Variants in CRYGN observed in about 807,000 individuals in gnomAD.
CRYGN encodes gamma-crystallin N.
CRYGN carries 17 observed loss-of-function variants against 19.2 expected under a neutral mutation model. That is an observed-to-expected ratio of 0.89 (90% confidence interval 0.61 to 1.33). CRYGN has a LOEUF of 1.33. Ranked by LOEUF, CRYGN falls within the 40% of genes most tolerant of loss-of-function variation. The probability of loss-of-function intolerance (pLI) is 0.00; values close to 1 mark genes in which losing one functional copy is unlikely to be tolerated. For missense variants in CRYGN, 239 were observed against 239.6 expected, an observed-to-expected ratio of 1.00 and a Z score of 0.02; for synonymous variants, 84 against 85.8, an observed-to-expected ratio of 0.98 and a Z score of 0.12.
At chr7:151,439,801 G>GTCACCATCAACAGTGTGCACCC in intron 1 of CRYGN, 96 bp downstream of exon 1, 4 of 1,284,100 alleles carry the variant, frequency 3.1e-6, no homozygotes, top group Non-Finnish European at 4.2e-6. Flanking sequence ...CCTTGGATTT[G>GTCACCATCAACAGTGTGCACCC]TCACCATCAA....
Position 151,428,836 on chromosome 7 carries a change from T to C in CRYGN, c.*1212A>G, listed in dbSNP as rs931440092. 7.2e-5 allele frequency: 11 copies of C among 152,176 alleles called. No individual in the cohort carries two copies. Among genetic ancestry groups the C allele is most frequent in the Admixed American group, 3.9e-4 (6 of 15,294 alleles). The allele number at this position is 152,176 out of a possible 1,614,324, so 9.4% of individuals were successfully genotyped here. A position where few individuals can be genotyped will look rare whatever the true frequency, so the allele number is the denominator to read the frequency against. On this transcript the variant is annotated 3_prime_UTR_variant, in exon 4 of 4. Transcript: ENST00000337323. The stretch of plus-strand genomic sequence containing the variant: ...AAATTACAAGCTGCCCACAAGCACT[T>C]TGGTGGGAATCTTGTTTTTCCTCTT...
rs975972610 is a variant in CRYGN at position 151,430,610 on chromosome 7, G to A, written c.417-430C>T. On this transcript the variant is annotated intron_variant, in intron 3 of 3. Transcript: ENST00000337323. The surrounding 1 kb of genome is among the most constrained non-coding windows in gnomAD (Gnocchi z 5.2). ...TCTCTCGGGAACCCTGTGTTCCCTC[G>A]CTGAGCTCCCTGCCGTACTCCATCA... 6.6e-6 allele frequency among the ~76,000 whole-genome samples: 1 copy of A among 152,112 alleles called. No individual in the cohort carries two copies. Among genetic ancestry groups the A allele is most frequent in the Non-Finnish European group, 1.5e-5 (1 of 68,022 alleles).
In CRYGN at chr7:151,433,208, G is replaced by A. The variant is rs944037490; in HGVS notation, c.416+2972C>T. Reference sequence around the variant, plus strand: ...GTCTTTACAGAGCCTGGAGGACCTCGGGCTGGTGGGGGCAGGAGAGAACAC... The same window carrying A: ...GTCTTTACAGAGCCTGGAGGACCTCAGGCTGGTGGGGGCAGGAGAGAACAC... On this transcript the variant is annotated intron_variant, in intron 3 of 3. Coordinates refer to ENST00000337323, the MANE Select transcript of CRYGN (RefSeq NM_144727.3). The surrounding 1 kb of genome is among the most constrained non-coding windows in gnomAD (Gnocchi z 5.1). Among the ~76,000 whole-genome samples, 3 of 152,214 alleles carry A rather than the reference G, an allele frequency of 2.0e-5. No homozygotes were observed. Among genetic ancestry groups the A allele is most frequent in the East Asian group, 1.9e-4 (1 of 5,192 alleles).
intron 2 of CRYGN, among the ~76,000 whole-genome samples, chr7:151,437,664 C>T (rs973437511): frequency 3.9e-5 from 6 of 152,304 alleles, no homozygotes; most frequent in Admixed American, 1.3e-4. Flanking sequence ...CTCCCATTGG[C>T]GGAGTGTCCC....
At chr7:151,432,153 G>T in intron 3 of CRYGN, 2 of 1,225,384 alleles carry the variant, frequency 1.6e-6, no homozygotes, top group Non-Finnish European at 2.0e-6. Context: ...GGCTCGGCTG[G>T]AAGAAGTTGA....
chr7:151,440,188 G>GCTGCCC (rs1424236199), upstream of CRYGN: 7 of 1,068,284 alleles, frequency 6.6e-6, no homozygotes, highest in Admixed American at 3.9e-5. Context: ...CCAGCCCGCG[G>GCTGCCC]CTGCCCCTGC....
chr7:151,430,303 G>T lies in CRYGN; in HGVS notation c.417-123C>A, dbSNP rs979787215. 1.1e-6 allele frequency: 1 copy of T among 925,664 alleles called. No homozygotes were observed. Among genetic ancestry groups the T allele is most frequent in the Non-Finnish European group, 1.6e-6 (1 of 615,248 alleles). 57.3% of individuals were successfully genotyped at this position (925,664 alleles called of 1,614,324 possible). A position where few individuals can be genotyped will look rare whatever the true frequency, so the allele number is the denominator to read the frequency against. The stretch of plus-strand genomic sequence containing the variant: ...TCCCCTTTCCTGGGCGGAGTGGACG[G>T]TTGCCTAGTGGTTTCATGTCTTCAT... On this transcript the variant is annotated intron_variant, in intron 3 of 3. Coordinates refer to ENST00000337323, the MANE Select transcript of CRYGN (RefSeq NM_144727.3). The surrounding 1 kb of genome is among the most constrained non-coding windows in gnomAD (Gnocchi z 5.2).
chr7:151,432,633 G>A (rs1196357742), intron 3 of CRYGN, among the ~76,000 whole-genome samples: 2 of 152,198 alleles, frequency 1.3e-5, no homozygotes, highest in African/African-American at 4.8e-5. Flanking sequence ...GTGAAACCCC[G>A]TCTCTACTAA....
rs1801435329 is a variant in CRYGN, at chr7:151,430,348, G to A, written c.417-168C>T. On this transcript the variant is annotated intron_variant, in intron 3 of 3. Transcript: ENST00000337323. The surrounding 1 kb of genome is among the most constrained non-coding windows in gnomAD (Gnocchi z 5.2). ...CTTCATTTGGCCTCGGCTGTCATGG[G>A]ACAGCCTACGGGGGTCCCACAGCAG... Among the ~76,000 whole-genome samples the A allele has an allele frequency of 6.6e-6, 1 of 152,080 alleles. No individual in the cohort carries two copies. Among genetic ancestry groups the A allele is most frequent in the African/African-American group, 2.4e-5 (1 of 41,402 alleles).
intron 1 of CRYGN, among the ~76,000 whole-genome samples, chr7:151,438,634 G>A (rs1348604285): frequency 6.6e-6 from 1 of 152,216 alleles, no homozygotes; most frequent in African/African-American, 2.4e-5. Flanking sequence ...TAAAGGAGGT[G>A]TTTTCAAAAG....
In CRYGN at chr7:151,439,923, GC is replaced by G; in HGVS notation, c.-7del. On this transcript the variant is annotated 5_prime_UTR_variant, in exon 1 of 4. Coordinates refer to ENST00000337323, the MANE Select transcript of CRYGN (RefSeq NM_144727.3). ...TTCCCCGAGCGCTGCGCCATGGTGC[GC>G]CCCGCCCCTTCCGCGGGTCCCCGTT... is the stretch of plus-strand genomic sequence containing the variant. The G allele has an allele frequency of 1.3e-6, 2 of 1,541,556 alleles. No individual in the cohort carries two copies. Among genetic ancestry groups the G allele is most frequent in the Non-Finnish European group, 8.7e-7 (1 of 1,144,958 alleles).
At chr7:151,432,981 A>T (rs1256272359) in intron 3 of CRYGN, among the ~76,000 whole-genome samples, 1 of 152,210 alleles carries the variant, frequency 6.6e-6, no homozygotes, top group Non-Finnish European at 1.5e-5. Flanking sequence ...TGGTCACACA[A>T]CACGGTTCCT....
Position 151,433,017 on chromosome 7 carries a change from C to A in CRYGN, c.417-2837G>T, listed in dbSNP as rs1801508323. Among the ~76,000 whole-genome samples, 1 of 152,224 alleles carries A rather than the reference C, an allele frequency of 6.6e-6. No homozygotes were observed. Among genetic ancestry groups the A allele is most frequent in the Admixed American group, 6.5e-5 (1 of 15,286 alleles). On this transcript the variant is annotated intron_variant, in intron 3 of 3. Transcript: ENST00000337323. This position sits in a 1 kb window ranked among gnomAD's most constrained non-coding sequence, Gnocchi z 5.1. ...GCCCCCTCCTGCCCTCACGGGGCCT[C>A]CCCTGCAGAGGAAATGGGCTGTGGG...
rs750416566 is a variant in CRYGN, at chr7:151,436,292, C to T, written c.304G>A (p.Gly102Ser). 1.4e-5 allele frequency: 22 copies of T among 1,591,572 alleles called. No homozygotes were observed. Among genetic ancestry groups the T allele is most frequent in the Middle Eastern group, 1.7e-4 (1 of 5,996 alleles). Reference protein sequence around the residue: ...GEHFRLEIFEGCNFTGQCLEF... With the variant: ...GEHFRLEIFESCNFTGQCLEF... ...AGGCACTGGCCCGTGAAGTTGCAAC[C>T]CTCGAAGATTTCTAGGCGGAAATGT... The change falls in exon 3 of 4, where the codon GGT becomes AGT. Residue 102 changes from glycine to serine, a missense_variant. Transcript: ENST00000337323. The surrounding 1 kb of genome is among the most constrained non-coding windows in gnomAD (Gnocchi z 5.1).
intron 1 of CRYGN, among the ~76,000 whole-genome samples, chr7:151,439,646 C>A (rs1250432266): frequency 1.1e-4 from 17 of 152,136 alleles, no homozygotes; most frequent in Admixed American, 1.1e-3. Context: ...AGTCTGAACA[C>A]CCTCCCTGCT....
rs73727196 is a variant in CRYGN, at chr7:151,432,598, G to A, written c.417-2418C>T. 2.5e-3 allele frequency among the ~76,000 whole-genome samples: 381 copies of A among 152,326 alleles called. 2 individuals are homozygous for A. Among genetic ancestry groups the A allele is most frequent in the African/African-American group, 8.9e-3 (368 of 41,574 alleles). On this transcript the variant is annotated intron_variant, in intron 3 of 3. Transcript: ENST00000337323. ...GCAGGCAGATCTCTTGTAGTCAGGA[G>A]TTTGAGAGCAGCCCGGCCAACGTGG...
chr7:151,434,240 T>G (rs1331887481), intron 3 of CRYGN, among the ~76,000 whole-genome samples: 1 of 152,144 alleles, frequency 6.6e-6, no homozygotes, highest in East Asian at 1.9e-4. Context: ...GGGGATTGTG[T>G]GCCCCTCAGT....
Position 151,436,892 on chromosome 7 carries a change from T to C in CRYGN, c.271-567A>G, listed in dbSNP as rs1403463452. ...CCCCTAGGCTCAGCACATCTCCCTA[T>C]ATGATTCCCGCATTTCCAAAAGACA... On this transcript the variant is annotated intron_variant, in intron 2 of 3. Coordinates refer to ENST00000337323, the MANE Select transcript of CRYGN (RefSeq NM_144727.3). The surrounding 1 kb of genome is among the most constrained non-coding windows in gnomAD (Gnocchi z 5.1). The C allele has an allele frequency of 6.6e-6, 1 of 152,112 alleles. No homozygotes were observed. Among genetic ancestry groups the C allele is most frequent in the Non-Finnish European group, 1.5e-5 (1 of 68,006 alleles). 9.4% of individuals were successfully genotyped at this position (152,112 alleles called of 1,614,324 possible). A position where few individuals can be genotyped will look rare whatever the true frequency, so the allele number is the denominator to read the frequency against.
chr7:151,438,234 TAG>T lies in CRYGN; in HGVS notation c.30_31del (p.Tyr11Ter). On this transcript the variant is annotated frameshift_variant, in exon 2 of 4. Transcript: ENST00000337323. LOFTEE classifies it high-confidence loss of function. ...CTGCCCTGTGAAGTGCTTGCCTTCA[TAG>T]AGAGTGATCTAGAAAGGGCAGGTTA... 3 of 1,610,300 alleles carry T rather than the reference TAG, an allele frequency of 1.9e-6. No individual in the cohort carries two copies. The highest frequency in any genetic ancestry group is 2.2e-5 in the South Asian group (2 of 91,052).
Sources: gnomAD v4.1 joint callset for allele counts (sites outside exome capture counted in the v4.1 genomes callset) on GRCh38, gnomAD v4.1.1 for gene constraint, Gnocchi (gnomAD v3.1) non-coding constraint, MANE v1.5 for transcripts, NCBI Gene and HGNC (gene_info 2026-07-23, HGNC 2026-07-21) for gene names.